ROBO2: variants seen among roughly 807,000 people sequenced by gnomAD.
The protein encoded by ROBO2 is roundabout guidance receptor 2, also known as roundabout homolog 2.
Under a neutral mutation model 160.8 loss-of-function variants are expected in ROBO2, and 53 were observed. That is an observed-to-expected ratio of 0.33 (90% CI 0.26 to 0.41). ROBO2 has a LOEUF of 0.41. Ranked by LOEUF, ROBO2 falls within the 10% of genes least tolerant of loss-of-function variation. The pLI is 1.00. For missense variants in ROBO2, 1,577 were observed against 1,722.4 expected (o/e 0.92, Z 1.49); for synonymous variants, 664 against 611.7 (o/e 1.09, Z -1.26).
Position 77,590,074 on chromosome 3 carries a change from T to A in ROBO2, c.2683+1141T>A, listed in dbSNP as rs115845055. On this transcript the variant is annotated intron_variant, in intron 17 of 25. Transcript: ENST00000461745. ...GCAAAATGCTAAGTATAGCACTGAC[T>A]TGGTTGCCTTGTTTGTTATTTGATG... Among the ~76,000 whole-genome samples the A allele has an allele frequency of 9.3e-3, 1,419 of 152,280 alleles. 14 individuals carry two copies. Among genetic ancestry groups the A allele is most frequent in the Non-Finnish European group, 0.012 (848 of 67,994 alleles).
chr3:77,212,381 C>T (rs370205420), intron 2 of ROBO2, among the ~76,000 whole-genome samples: 8 of 151,894 alleles, frequency 5.3e-5, no homozygotes, highest in Non-Finnish European at 8.8e-5. Flanking sequence ...CTGTTTGTCT[C>T]TTATTGGTGT....
At chr3:76,635,421 C>T (rs1479726445) in intron 2 of ROBO2, among the ~76,000 whole-genome samples, 2 of 152,164 alleles carry the variant, frequency 1.3e-5, no homozygotes, top group Non-Finnish European at 1.5e-5. Flanking sequence ...ATACTCTGGT[C>T]TATCCAGTCT....
chr3:76,989,449 C>A (rs906847336), intron 2 of ROBO2, among the ~76,000 whole-genome samples: 3 of 151,856 alleles, frequency 2.0e-5, no homozygotes, highest in Non-Finnish European at 2.9e-5. Flanking sequence ...TTTCATTTCC[C>A]ATTATAGTCT....
At chr3:75,909,786 A>G (rs1436208034) in intron 1 of ROBO2, among the ~76,000 whole-genome samples, 6 of 152,206 alleles carry the variant, frequency 3.9e-5, no homozygotes, top group Non-Finnish European at 5.9e-5. Flanking sequence ...TTTCAGAAAG[A>G]GGGTTAGATG....
chr3:77,640,922 C>CATA (rs1325699419), intron 24 of ROBO2, among the ~76,000 whole-genome samples: 2 of 152,118 alleles, frequency 1.3e-5, no homozygotes, highest in Non-Finnish European at 2.9e-5. Context: ...ATTTTAGCTG[C>CATA]ATAAGCAGAT....
intron 2 of ROBO2, among the ~76,000 whole-genome samples, chr3:77,441,747 C>T (rs577000577): frequency 1.6e-4 from 25 of 152,180 alleles, no homozygotes; most frequent in African/African-American, 6.0e-4. Flanking sequence ...AGAAAAAAAC[C>T]TGCTAGTTTC....
At chr3:76,521,615 C>T (rs2081622542) in intron 2 of ROBO2, among the ~76,000 whole-genome samples, 1 of 152,138 alleles carries the variant, frequency 6.6e-6, no homozygotes, top group Non-Finnish European at 1.5e-5. Context: ...ACAGCAATGC[C>T]TATATTGTTC....
At chr3:76,955,450 G>A (rs1206966870) in intron 2 of ROBO2, among the ~76,000 whole-genome samples, 1 of 152,100 alleles carries the variant, frequency 6.6e-6, no homozygotes, top group East Asian at 1.9e-4. Context: ...TGTTTTCCAC[G>A]GTAACTATAC....
intron 2 of ROBO2, among the ~76,000 whole-genome samples, chr3:76,870,858 C>T (rs999361886): frequency 2.0e-4 from 30 of 151,468 alleles, no homozygotes; most frequent in African/African-American, 7.0e-4. Context: ...TGAGAAACAA[C>T]TGTGGTTTAT....
At chr3:77,301,680 T>G (rs905518319) in intron 2 of ROBO2, among the ~76,000 whole-genome samples, 1 of 152,234 alleles carries the variant, frequency 6.6e-6, no homozygotes, top group African/African-American at 2.4e-5. Flanking sequence ...TCCCTTTTTC[T>G]AAGCCCTCTT....
intron 2 of ROBO2, among the ~76,000 whole-genome samples, chr3:75,995,964 A>G (rs1015234010): frequency 6.6e-6 from 1 of 152,166 alleles, no homozygotes; most frequent in African/African-American, 2.4e-5. Context: ...CATTTACCCA[A>G]TGCTTATACC....
At chr3:77,227,738 G>A (rs187961861) in intron 2 of ROBO2, among the ~76,000 whole-genome samples, 2 of 152,294 alleles carry the variant, frequency 1.3e-5, no homozygotes, top group East Asian at 1.9e-4. Flanking sequence ...GTGGACAAAG[G>A]AGAGGAAACA....
At chr3:76,541,247 A>G (rs1025361488) in intron 2 of ROBO2, among the ~76,000 whole-genome samples, 4 of 152,210 alleles carry the variant, frequency 2.6e-5, no homozygotes, top group African/African-American at 7.2e-5. Flanking sequence ...GATAAATAAG[A>G]CAGCCTATCT....
chr3:76,247,469 A>T (rs1457771413), intron 2 of ROBO2, among the ~76,000 whole-genome samples: 8 of 152,180 alleles, frequency 5.3e-5, no homozygotes, highest in South Asian at 4.1e-4. Context: ...TTAGAATAAA[A>T]TCCAAATTCT....
chr3:77,597,140 C>G (rs988774641), intron 19 of ROBO2, among the ~76,000 whole-genome samples: 1 of 151,900 alleles, frequency 6.6e-6, no homozygotes, highest in Non-Finnish European at 1.5e-5. Context: ...CTCCTGTGTA[C>G]TTGGCACTAT....
intron 6 of ROBO2, 76 bp downstream of exon 6, chr3:77,522,978 T>A: frequency 6.5e-7 from 1 of 1,535,214 alleles, no homozygotes; most frequent in South Asian, 1.1e-5. Context: ...GAACTTACGA[T>A]CAAAATAATG....
intron 2 of ROBO2, among the ~76,000 whole-genome samples, chr3:76,804,273 A>G (rs2064492798): frequency 6.6e-6 from 1 of 152,220 alleles, no homozygotes; most frequent in African/African-American, 2.4e-5. Context: ...GATCTTAGAC[A>G]AAAGTCTCAG....
chr3:76,043,451 T>C (rs2067340678), intron 2 of ROBO2, among the ~76,000 whole-genome samples: 1 of 150,800 alleles, frequency 6.6e-6, no homozygotes, highest in South Asian at 2.1e-4. Flanking sequence ...GACCTATGAG[T>C]AACAAGATTA....
intron 2 of ROBO2, among the ~76,000 whole-genome samples, chr3:77,191,145 T>C (rs570666409): frequency 6.6e-6 from 1 of 152,270 alleles, no homozygotes; most frequent in South Asian, 2.1e-4. Context: ...GGTCAGTTAA[T>C]AGTAATAGAA....
Sources: gnomAD v4.1 joint callset for allele counts (sites outside exome capture counted in the v4.1 genomes callset) on GRCh38, gnomAD v4.1.1 for gene constraint, MANE v1.5 for transcripts, NCBI Gene and HGNC (gene_info 2026-07-23, HGNC 2026-07-21) for gene names.